Variants in BBS4 observed in about 807,000 individuals in gnomAD.
The protein encoded by BBS4 is Bardet-Biedl syndrome 4, also known as BBSome complex member BBS4.
In BBS4, 58 loss-of-function variants were observed where a neutral mutation model predicts 71.4. That is an observed-to-expected ratio of 0.81 (90% CI 0.66 to 1.01). BBS4 has a LOEUF of 1.01. BBS4 is among the 50% of genes least tolerant of loss of function. The pLI is 0.00. For synonymous variants in BBS4, 228 were observed against 216.8 expected (o/e 1.05, Z -0.46); for missense variants, 660 against 607.9 (o/e 1.09, Z -0.90).
At chr15:72,714,220 C>CTTTTTTTTTT (rs58123834) in intron 4 of BBS4, among the ~76,000 whole-genome samples, 1 of 98,448 alleles carries the variant, frequency 1.0e-5, no homozygotes, top group African/African-American at 4.0e-5. Flanking sequence ...CACTCACTTA[C>CTTTTTTTTTT]TTTTTTTTTT....
rs11331269 is a variant in BBS4 at position 72,707,970 on chromosome 15, A to ATT, written c.77-1716_77-1715dup. ...TGTGGTACTCTGATCATCAGATGTGATTTTTTTTTTTTTTTGAGACGGAGT... is the reference window on the plus strand; with the variant it reads ...TGTGGTACTCTGATCATCAGATGTGATTTTTTTTTTTTTTTTTGAGACGGAGT... On this transcript the variant is annotated intron_variant, in intron 2 of 15. Coordinates refer to ENST00000268057, the MANE Select transcript of BBS4 (RefSeq NM_033028.5). 1.3e-3 allele frequency among the ~76,000 whole-genome samples: 180 copies of ATT among 142,872 alleles called. 1 individual carries two copies. The highest frequency in any genetic ancestry group is 3.5e-3 in the African/African-American group (138 of 39,314). 93.7% of individuals were successfully genotyped at this position (142,872 alleles called of 152,430 possible). A position where few individuals can be genotyped will look rare whatever the true frequency, so the allele number is the denominator to read the frequency against.
chr15:72,735,184 T>A lies in BBS4; in HGVS notation c.1106+2T>A, dbSNP rs886041464. The A allele has an allele frequency of 1.2e-6, 2 of 1,612,488 alleles. No individual in the cohort carries two copies. Among genetic ancestry groups the A allele is most frequent in the South Asian group, 1.1e-5 (1 of 91,036 alleles). On this transcript the variant is annotated splice_donor_variant, in intron 13 of 15. Coordinates refer to ENST00000268057, the MANE Select transcript of BBS4 (RefSeq NM_033028.5). LOFTEE classifies it high-confidence loss of function. ...CGCAGAAGCAGTCCACCTGGATAAG[T>A]ATGCACTTTGTTGAGAATGGTACTG...
At chr15:72,690,734 A>G (rs1000149569) in intron 1 of BBS4, among the ~76,000 whole-genome samples, 2 of 152,170 alleles carry the variant, frequency 1.3e-5, no homozygotes, top group African/African-American at 4.8e-5. Flanking sequence ...TGTCAATGGA[A>G]TTGCTGGGTT....
intron 13 of BBS4, chr15:72,735,443 G>A: frequency 1.9e-6 from 1 of 535,794 alleles, no homozygotes; most frequent in Non-Finnish European, 3.4e-6. Flanking sequence ...GTGGGCTTGG[G>A]TTGCTGATAG....
chr15:72,691,311 A>G (rs1172319098), intron 1 of BBS4, among the ~76,000 whole-genome samples: 1 of 152,240 alleles, frequency 6.6e-6, no homozygotes, highest in African/African-American at 2.4e-5. Context: ...GAGTGCTTAA[A>G]ATGTCGTATG....
chr15:72,727,004 A>G (rs1031465220), intron 8 of BBS4, among the ~76,000 whole-genome samples: 4 of 152,316 alleles, frequency 2.6e-5, no homozygotes, highest in South Asian at 2.1e-4. Context: ...GGGGAAGCCA[A>G]TATTGCTAGA....
At chr15:72,722,465 A>T (rs955692720) in intron 6 of BBS4, among the ~76,000 whole-genome samples, 1 of 152,228 alleles carries the variant, frequency 6.6e-6, no homozygotes, top group Non-Finnish European at 1.5e-5. Context: ...TCTCCTGAGA[A>T]GAAGGAGCAA....
chr15:72,706,634 C>T (rs1295276986), intron 2 of BBS4, among the ~76,000 whole-genome samples: 2 of 152,060 alleles, frequency 1.3e-5, no homozygotes, highest in Admixed American at 6.6e-5. Context: ...AATTTCAGAT[C>T]GGCCCCAACG....
Position 72,690,251 on chromosome 15 carries a change from A to G in BBS4, c.24+4000A>G, listed in dbSNP as rs79374311. 8.0e-3 allele frequency among the ~76,000 whole-genome samples: 1,217 copies of G among 152,322 alleles called. 12 individuals are homozygous for G. Among genetic ancestry groups the G allele is most frequent in the African/African-American group, 0.028 (1,153 of 41,582 alleles). ...TTGATCTGGCTCAGATATAGTGCCT[A>G]TGTATCAGGTGCTCCATGAATATTT... is the stretch of plus-strand genomic sequence containing the variant. On this transcript the variant is annotated intron_variant, in intron 1 of 15. Transcript: ENST00000268057.
intron 6 of BBS4, among the ~76,000 whole-genome samples, chr15:72,720,159 AC>A (rs2065542645): frequency 6.6e-6 from 1 of 151,040 alleles, no homozygotes; most frequent in African/African-American, 2.4e-5. Flanking sequence ...GCCCTTACCT[AC>A]CCTACATATT....
chr15:72,721,760 T>A (rs1257933123), intron 6 of BBS4, among the ~76,000 whole-genome samples: 1 of 152,210 alleles, frequency 6.6e-6, no homozygotes, highest in Non-Finnish European at 1.5e-5. Flanking sequence ...CAGGGACACA[T>A]CTCCACTACT....
chr15:72,716,391 G>C (rs2065469019), intron 5 of BBS4, among the ~76,000 whole-genome samples: 1 of 152,176 alleles, frequency 6.6e-6, no homozygotes, highest in Admixed American at 6.5e-5. Context: ...ATCAAGGAAA[G>C]AGACTTAGTC....
At chr15:72,688,411 C>CTTTTTTATTTTTTTTTTTTTTTTT (rs2064915345) in intron 1 of BBS4, among the ~76,000 whole-genome samples, 1 of 83,052 alleles carries the variant, frequency 1.2e-5, no homozygotes, top group African/African-American at 4.4e-5. Flanking sequence ...GGTATTTTAT[C>CTTTTTTATTTTTTTTTTTTTTTTT]TTTTTTTTTT....
chr15:72,724,917 T>TAA (rs2065640292), intron 8 of BBS4, among the ~76,000 whole-genome samples: 4 of 152,096 alleles, frequency 2.6e-5, no homozygotes, highest in African/African-American at 9.7e-5. Context: ...TCTTCCTTAT[T>TAA]AACTCACCAT....
chr15:72,697,364 T>G (rs1001922389), intron 2 of BBS4, among the ~76,000 whole-genome samples: 3 of 152,270 alleles, frequency 2.0e-5, no homozygotes, highest in Non-Finnish European at 4.4e-5. Context: ...AGACTTTTTT[T>G]ATACCTCTAG....
At chr15:72,716,676 T>C in intron 5 of BBS4, 102 bp from the exon 6 acceptor site, 1 of 920,892 alleles carries the variant, frequency 1.1e-6, no homozygotes, top group South Asian at 1.5e-5. Flanking sequence ...AAAAGGCTTC[T>C]AGAATTCTCT....
At position 72,738,062 on chromosome 15, in the gene BBS4, TTAATAATCCAACTTTAA is replaced by T. The variant is rs1276116054; in HGVS notation, c.*478_*494del. On this transcript the variant is annotated 3_prime_UTR_variant, in exon 16 of 16. Transcript: ENST00000268057. The stretch of plus-strand genomic sequence containing the variant: ...CCCCAAGGCAAACACAAATATTAGA[TTAATAATCCAACTTTAA>T]TAGTATACATTTAAAAGAAAAAAAA... 1 of 454,032 alleles carries T rather than the reference TTAATAATCCAACTTTAA, an allele frequency of 2.2e-6. No individual in the cohort carries two copies. The highest frequency in any genetic ancestry group is 4.4e-6 in the Non-Finnish European group (1 of 226,784). 28.1% of individuals were successfully genotyped at this position (454,032 alleles called of 1,614,324 possible).
chr15:72,690,478 T>C lies in BBS4; in HGVS notation c.24+4227T>C, dbSNP rs138267817. 8.3e-4 allele frequency among the ~76,000 whole-genome samples: 126 copies of C among 152,342 alleles called. 1 individual carries two copies. Among genetic ancestry groups the C allele is most frequent in the African/African-American group, 2.9e-3 (121 of 41,580 alleles). On this transcript the variant is annotated intron_variant, in intron 1 of 15. Coordinates refer to ENST00000268057, the MANE Select transcript of BBS4 (RefSeq NM_033028.5). ...TGCAGAAAGAAGGGTTGCTGACCTT[T>C]GAAGGTGCTTTTTGAGTCTTTAACA...
chr15:72,691,976 A>C (rs2064992949), intron 1 of BBS4, among the ~76,000 whole-genome samples: 1 of 149,386 alleles, frequency 6.7e-6, no homozygotes, highest in African/African-American at 2.4e-5. Context: ...AAAAAAAAAA[A>C]AGCTGCTATA....
Sources: gnomAD v4.1 joint callset for allele counts (sites outside exome capture counted in the v4.1 genomes callset) on GRCh38, gnomAD v4.1.1 for gene constraint, MANE v1.5 for transcripts, NCBI Gene and HGNC (gene_info 2026-07-23, HGNC 2026-07-21) for gene names.